Variants in CEP72 observed in about 807,000 individuals in gnomAD.
The protein encoded by CEP72 is centrosomal protein of 72 kDa.
Under a neutral mutation model 65.7 loss-of-function variants are expected in CEP72, and 78 were observed. The ratio of observed to expected loss-of-function variants is 1.19; its 90% CI spans 0.99 to 1.43. CEP72 has a LOEUF of 1.43. Ranked by LOEUF, CEP72 falls within the 40% of genes most tolerant of loss-of-function variation. The pLI is 0.00. For synonymous variants in CEP72, 358 were observed against 351.7 expected, an observed-to-expected ratio of 1.02 and a Z score of -0.20; for missense variants, 914 against 832.9, an observed-to-expected ratio of 1.10 and a Z score of -1.20.
At chr5:673,583 C>T in the CEP72 span, among the ~76,000 whole-genome samples, 5 of 152,168 alleles carry the variant, frequency 3.3e-5, no homozygotes, top group Admixed American at 6.5e-5. Context: ...CCCAGCCTGC[C>T]GACCAGGCTG....
rs1325958415 is a variant in CEP72, at chr5:628,887, CCGTCCCTGGGG to C, written c.512+4309_512+4319del. Among the ~76,000 whole-genome samples the C allele has an allele frequency of 3.1e-4, 36 of 116,746 alleles. 1 individual carries two copies. Among genetic ancestry groups the C allele is most frequent in the African/African-American group, 1.1e-3 (30 of 28,396 alleles). 76.6% of individuals were successfully genotyped at this position (116,746 alleles called of 152,430 possible). On this transcript the variant is annotated intron_variant, in intron 4 of 11. Transcript: ENST00000264935. The stretch of plus-strand genomic sequence containing the variant: ...GCAGCGTTCTGGAGAACTCAGGTTG[CCGTCCCTGGGG>C]AGTGGCCCCAGGACCCAGCCCCCTT...
intron 3 of CEP72, among the ~76,000 whole-genome samples, chr5:665,625 C>G (rs965157083): frequency 8.1e-6 from 1 of 124,168 alleles, no homozygotes; most frequent in Non-Finnish European, 1.9e-5. Context: ...CAATCCATGC[C>G]CCTTCAGACC....
downstream of CEP72, chr5:660,223 AT>A (rs1485132413): frequency 3.3e-5 from 5 of 151,326 alleles, no homozygotes; most frequent in African/African-American, 1.2e-4. Flanking sequence ...ATATATATAT[AT>A]ATATAAATTT....
intron 3 of CEP72, chr5:665,930 ACCCCCT>A: frequency 7.0e-6 from 1 of 143,406 alleles, no homozygotes; most frequent in Non-Finnish European, 9.0e-6. Flanking sequence ...CCCCGCCCCC[ACCCCCT>A]CCAGGCCCCG....
chr5:612,656 G>A (rs977742268), intron 1 of CEP72: 2 of 978,330 alleles, frequency 2.0e-6, no homozygotes, highest in African/African-American at 3.5e-5. Context: ...TTCGGGTCCC[G>A]GCGTCCCGGC....
downstream of CEP72, among the ~76,000 whole-genome samples, chr5:658,427 C>T (rs979236332): frequency 3.9e-5 from 6 of 152,236 alleles, no homozygotes; most frequent in African/African-American, 1.4e-4. Flanking sequence ...GCATCTGCCT[C>T]CCGGGGACTC....
intron 5 of CEP72, 32 bp downstream of exon 5, chr5:633,979 G>C (rs1007609015): frequency 6.3e-7 from 1 of 1,599,428 alleles, no homozygotes; most frequent in Non-Finnish European, 8.5e-7. Context: ...AGGCCAGTGG[G>C]TCCGCTGGCT....
intron 9 of CEP72, chr5:642,713 C>T (rs1298771958): frequency 9.1e-6 from 9 of 985,418 alleles, no homozygotes; most frequent in Non-Finnish European, 1.1e-5. Flanking sequence ...GTGAGTGATC[C>T]AGAAGAATCT....
chr5:652,936 A>G, intron 11 of CEP72, 52 bp from the exon 12 acceptor site: 2 of 1,510,070 alleles, frequency 1.3e-6, no homozygotes, highest in Non-Finnish European at 1.8e-6. Flanking sequence ...TGAGGGCCAC[A>G]CCGCTGGAGA....
intron 3 of CEP72, among the ~76,000 whole-genome samples, chr5:621,002 C>T (rs1736355028): frequency 6.6e-6 from 1 of 152,228 alleles, no homozygotes; most frequent in South Asian, 2.1e-4. Context: ...CAGGGGCACA[C>T]TGACCAGAGT....
chr5:652,205 T>C (rs1263958306), intron 11 of CEP72, among the ~76,000 whole-genome samples: 1 of 152,178 alleles, frequency 6.6e-6, no homozygotes, highest in African/African-American at 2.4e-5. Context: ...GGCCTGGATG[T>C]GGACAAGGCA....
At chr5:652,381 G>A (rs185848211) in intron 11 of CEP72, among the ~76,000 whole-genome samples, 3 of 152,310 alleles carry the variant, frequency 2.0e-5, no homozygotes, top group African/African-American at 2.4e-5. Flanking sequence ...TAATGTGACC[G>A]AGGTCAGTGG....
chr5:637,938 G>A (rs1419047650), intron 7 of CEP72, 120 bp downstream of exon 7: 2 of 980,146 alleles, frequency 2.0e-6, no homozygotes, highest in Non-Finnish European at 2.9e-6. Context: ...CCCTGATGCA[G>A]GGCTGTTACG....
the CEP72 span, among the ~76,000 whole-genome samples, chr5:673,960 GC>G: frequency 6.6e-6 from 1 of 152,234 alleles, no homozygotes; most frequent in Admixed American, 6.5e-5. Flanking sequence ...TGCACATGCG[GC>G]CATGTGCATG....
At position 624,682 on chromosome 5, in the gene CEP72, G is replaced by A. The variant is rs1736627850; in HGVS notation, c.512+103G>A. The A allele has an allele frequency of 1.2e-6, 1 of 849,634 alleles. No homozygotes were observed. The highest frequency in any genetic ancestry group is 2.0e-6 in the Non-Finnish European group (1 of 506,916). 52.6% of individuals were successfully genotyped at this position (849,634 alleles called of 1,614,324 possible). The stretch of plus-strand genomic sequence containing the variant: ...ACTGTGTGCCGGTCACTCTCCAGGG[G>A]CGGACACCAGGAGGGAGGAAGGGCA... On this transcript the variant is annotated intron_variant, in intron 4 of 11. Transcript: ENST00000264935. This position sits in a 1 kb window ranked among gnomAD's most constrained non-coding sequence, Gnocchi z 4.7.
At chr5:621,514 G>A (rs1266158777) in intron 3 of CEP72, among the ~76,000 whole-genome samples, 2 of 152,236 alleles carry the variant, frequency 1.3e-5, no homozygotes, top group African/African-American at 4.8e-5. Context: ...GGCCAGCTGG[G>A]GTTTTGCCAC....
At chr5:615,520 GTTTTTGC>G (rs1735940312) in intron 1 of CEP72, among the ~76,000 whole-genome samples, 1 of 152,044 alleles carries the variant, frequency 6.6e-6, no homozygotes, top group Non-Finnish European at 1.5e-5. Flanking sequence ...CTTTTGATTG[GTTTTTGC>G]ATGGCGTATC....
At position 666,250 on chromosome 5, in the gene CEP72, G is replaced by A. The variant is rs865805034; in HGVS notation, n.592+151G>A. The A allele has an allele frequency of 1.7e-5, 18 of 1,070,126 alleles. No individual in the cohort carries two copies. The Middle Eastern group carries it at 1.1e-3, about 63-fold the overall frequency. 66.3% of individuals were successfully genotyped at this position (1,070,126 alleles called of 1,614,324 possible). On this transcript the variant is annotated intron_variant and non_coding_transcript_variant, in intron 4 of 4. Transcript: ENST00000514507. Reference sequence around the variant, plus strand: ...CCACAGGCTTCACCCACAGGCGGCCGCCCTGGTAGCACTGCAAATCCAAAC... The same window carrying A: ...CCACAGGCTTCACCCACAGGCGGCCACCCTGGTAGCACTGCAAATCCAAAC...
chr5:673,448 C>T, the CEP72 span, among the ~76,000 whole-genome samples: 1 of 151,942 alleles, frequency 6.6e-6, no homozygotes, highest in Non-Finnish European at 1.5e-5. Context: ...GGGTCCATGG[C>T]TGCAGGTGAA....
Sources: allele counts gnomAD v4.1 joint callset (sites outside exome capture counted in the v4.1 genomes callset), GRCh38; gene constraint gnomAD v4.1.1; non-coding constraint Gnocchi (gnomAD v3.1); transcripts MANE v1.5; gene names NCBI Gene and HGNC (gene_info 2026-07-23, HGNC 2026-07-21).